SPATA7: variants seen among roughly 807,000 people sequenced by gnomAD.
SPATA7 encodes spermatogenesis-associated protein 7.
SPATA7 carries 43 observed loss-of-function variants against 51.8 expected under a neutral mutation model. The observed-to-expected ratio is 0.83, with a 90% CI of 0.65 to 1.07. SPATA7 has a LOEUF of 1.07. Ranked by LOEUF, SPATA7 falls within the 50% of genes least tolerant of loss-of-function variation. The pLI is 0.00. For synonymous variants in SPATA7, 230 were observed against 252.8 expected (o/e 0.91, Z 0.86); for missense variants, 683 against 701.3 (o/e 0.97, Z 0.30).
At chr14:88,433,094 A>G in intron 9 of SPATA7, 41 bp from the exon 10 acceptor site, 4 of 1,482,368 alleles carry the variant, frequency 2.7e-6, no homozygotes, top group South Asian at 1.1e-5. Context: ...CAGAATAAGT[A>G]AGGAATAATT....
rs116087276 is a variant in SPATA7 at position 88,394,100 on chromosome 14, C to T, written c.190+612C>T. Among the ~76,000 whole-genome samples, 536 of 152,222 alleles carry T rather than the reference C, an allele frequency of 3.5e-3. 3 individuals carry two copies. The highest frequency in any genetic ancestry group is 0.012 in the African/African-American group (491 of 41,534). On this transcript the variant is annotated intron_variant, in intron 3 of 11. Transcript: ENST00000393545. ...AAAAAGTATTTTGTGACCTGAAATTCAAATGTAGTTATCCATAGACAAACA... is the reference window on the plus strand; with the variant it reads ...AAAAAGTATTTTGTGACCTGAAATTTAAATGTAGTTATCCATAGACAAACA...
chr14:88,422,465 G>A (rs1378699559), intron 5 of SPATA7, among the ~76,000 whole-genome samples: 1 of 151,616 alleles, frequency 6.6e-6, no homozygotes, highest in Non-Finnish European at 1.5e-5. Context: ...TTTAAAATTT[G>A]TTTCTATTAT....
At chr14:88,396,032 G>A (rs2075870683) in intron 3 of SPATA7, 124 bp from the exon 4 acceptor site, 1 of 761,236 alleles carries the variant, frequency 1.3e-6, no homozygotes, top group African/African-American at 1.8e-5. Flanking sequence ...AGGATCTTGT[G>A]TTTTCCATCG....
Position 88,437,594 on chromosome 14 carries a change from G to A in SPATA7, c.1212G>A (p.Glu404=), listed in dbSNP as rs2077124475. The A allele has an allele frequency of 2.5e-6, 4 of 1,607,724 alleles. No individual in the cohort carries two copies. Among genetic ancestry groups the A allele is most frequent in the South Asian group, 2.2e-5 (2 of 90,102 alleles). Residue 404 remains glutamate, a synonymous_variant, in exon 11 of 12, where the codon GAG becomes GAA. Transcript: ENST00000393545. ...ERHIKQNKHL[E]EEKMRHLLHV... ...ATATAAAACAAAATAAACATTTGGA[G>A]GAGGTTTGTCTTTCCTTATAACTTC... is the stretch of plus-strand genomic sequence containing the variant.
At chr14:88,397,894 T>C (rs893941544) in intron 4 of SPATA7, among the ~76,000 whole-genome samples, 3 of 151,828 alleles carry the variant, frequency 2.0e-5, no homozygotes, top group Non-Finnish European at 2.9e-5. Flanking sequence ...CCAACCTGGC[T>C]AACAGGGTGA....
At chr14:88,449,177 T>C (rs1456379353) in intron 3 of SPATA7, among the ~76,000 whole-genome samples, 4 of 152,186 alleles carry the variant, frequency 2.6e-5, no homozygotes, top group African/African-American at 9.6e-5. Flanking sequence ...TTGTACTCTT[T>C]CAGACTTCAT....
chr14:88,438,918 A>G (rs1021815988), downstream of SPATA7, among the ~76,000 whole-genome samples: 3 of 152,152 alleles, frequency 2.0e-5, no homozygotes, highest in Non-Finnish European at 4.4e-5. Context: ...GTGACTTTCT[A>G]TCACCTTTAC....
chr14:88,389,710 C>T (rs2075687320), intron 1 of SPATA7, among the ~76,000 whole-genome samples: 1 of 152,210 alleles, frequency 6.6e-6, no homozygotes, highest in African/African-American at 2.4e-5. Flanking sequence ...ACCTTGTTCA[C>T]AGCTGTCACT....
intron 10 of SPATA7, among the ~76,000 whole-genome samples, chr14:88,434,452 T>C (rs1040996713): frequency 5.9e-5 from 9 of 152,092 alleles, no homozygotes; most frequent in Admixed American, 4.6e-4. Flanking sequence ...TTTGGGAGGC[T>C]AAGGTGGGCG....
chr14:88,399,268 C>G (rs1259830882), intron 4 of SPATA7, among the ~76,000 whole-genome samples: 1 of 152,132 alleles, frequency 6.6e-6, no homozygotes, highest in Non-Finnish European at 1.5e-5. Flanking sequence ...GTCATAGCTA[C>G]AAACACAGTG....
At chr14:88,433,372 G>T (rs1294995163) in intron 10 of SPATA7, among the ~76,000 whole-genome samples, 160 bp downstream of exon 10, 3 of 152,098 alleles carry the variant, frequency 2.0e-5, no homozygotes, top group African/African-American at 4.8e-5. Flanking sequence ...ATAGCAAGTT[G>T]TAAAGAATGT....
At chr14:88,409,341 A>C (rs1327519703) in intron 4 of SPATA7, among the ~76,000 whole-genome samples, 1 of 152,058 alleles carries the variant, frequency 6.6e-6, no homozygotes, top group Non-Finnish European at 1.5e-5. Flanking sequence ...GTGTCCAGGA[A>C]TTTATCCATT....
At chr14:88,414,046 A>G (rs1456375511) in intron 4 of SPATA7, among the ~76,000 whole-genome samples, 2 of 152,058 alleles carry the variant, frequency 1.3e-5, no homozygotes, top group Admixed American at 1.3e-4. Flanking sequence ...TTTTGGTGTT[A>G]GAATTATGCT....
At position 88,463,896 on chromosome 14, in the gene SPATA7, G is replaced by A. The variant is rs1404364084; in HGVS notation, c.255-5951G>A. Among the ~76,000 whole-genome samples, 3 of 151,974 alleles carry A rather than the reference G, an allele frequency of 2.0e-5. No homozygotes were observed. In the East Asian group the frequency reaches 5.8e-4, roughly 30 times the overall value. On this transcript the variant is annotated intron_variant, in intron 4 of 4. Coordinates refer to the SPATA7 transcript ENST00000556406. ...AGAGTCTTGCTCTGTCACCCAAGCTGGAGTGCAGAGGCGAGATCTCGGCTC... is the reference window on the plus strand; with the variant it reads ...AGAGTCTTGCTCTGTCACCCAAGCTAGAGTGCAGAGGCGAGATCTCGGCTC...
chr14:88,440,547 C>T (rs1468179175), downstream of SPATA7, among the ~76,000 whole-genome samples: 3 of 152,122 alleles, frequency 2.0e-5, no homozygotes, highest in Non-Finnish European at 4.4e-5. Flanking sequence ...ATCCCTAAGA[C>T]ATCTTGTTAC....
intron 10 of SPATA7, among the ~76,000 whole-genome samples, chr14:88,436,355 A>G (rs1401849796): frequency 3.3e-5 from 5 of 151,882 alleles, no homozygotes; most frequent in Non-Finnish European, 7.4e-5. Context: ...GTTTGCAAAT[A>G]TTTTCTCCCA....
chr14:88,411,526 C>T (rs946126910), intron 4 of SPATA7, among the ~76,000 whole-genome samples: 4 of 152,194 alleles, frequency 2.6e-5, no homozygotes, highest in South Asian at 4.2e-4. Context: ...TCTCCTGGTC[C>T]GTGGGTTGCA....
chr14:88,470,085 G>A, exon 5 of SPATA7: 1 of 1,601,022 alleles, frequency 6.2e-7, no homozygotes, highest in Non-Finnish European at 8.6e-7. Flanking sequence ...ATTGATGTGT[G>A]GGTATAATAT....
downstream of SPATA7, among the ~76,000 whole-genome samples, chr14:88,438,918 A>T (rs1021815988): frequency 6.6e-6 from 1 of 152,152 alleles, no homozygotes; most frequent in Admixed American, 6.5e-5. Flanking sequence ...GTGACTTTCT[A>T]TCACCTTTAC....
Sources: allele counts gnomAD v4.1 joint callset (sites outside exome capture counted in the v4.1 genomes callset), GRCh38; gene constraint gnomAD v4.1.1; transcripts MANE v1.5; gene names NCBI Gene and HGNC (gene_info 2026-07-23, HGNC 2026-07-21).